The following RPL39L variants were observed in gnomAD, a reference collection of about 807,000 sequenced individuals.
RPL39L encodes ribosomal protein eL39-like 2.
For missense variants in RPL39L, 48 were observed against 58.9 expected (o/e 0.81, Z 0.61); for synonymous variants, 16 against 20.1 (o/e 0.80, Z 0.55).
At chr3:187,129,974 C>T (rs1720460308) in intron 1 of RPL39L, among the ~76,000 whole-genome samples, 1 of 151,968 alleles carries the variant, frequency 6.6e-6, no homozygotes, top group South Asian at 2.1e-4. Flanking sequence ...AGTGATTTCC[C>T]TTGGGCTAGG....
intron 1 of RPL39L, among the ~76,000 whole-genome samples, chr3:187,129,082 A>T (rs972918880): frequency 6.6e-6 from 1 of 152,258 alleles, no homozygotes; most frequent in Non-Finnish European, 1.5e-5. Context: ...CAAGACAGTG[A>T]TGATAGCTTA....
intron 2 of RPL39L, among the ~76,000 whole-genome samples, chr3:187,125,137 A>G (rs1017386206): frequency 2.6e-5 from 4 of 152,146 alleles, no homozygotes; most frequent in African/African-American, 9.7e-5. Context: ...ATGCAATACG[A>G]TATGTCTATA....
At chr3:187,130,468 T>C (rs2108469178) in intron 1 of RPL39L, among the ~76,000 whole-genome samples, 1 of 152,290 alleles carries the variant, frequency 6.6e-6, no homozygotes, top group African/African-American at 2.4e-5. Flanking sequence ...TGAGTTCTTG[T>C]GAGTCTGGTC....
intron 1 of RPL39L, among the ~76,000 whole-genome samples, chr3:187,129,198 A>ACT (rs1333170479): frequency 6.6e-6 from 1 of 152,258 alleles, no homozygotes; most frequent in Non-Finnish European, 1.5e-5. Flanking sequence ...AAGATAATAT[A>ACT]GCTCAGGATA....
chr3:187,132,600 T>C (rs1235761447), intron 1 of RPL39L, among the ~76,000 whole-genome samples: 6 of 152,214 alleles, frequency 3.9e-5, no homozygotes, highest in Non-Finnish European at 8.8e-5. Context: ...TTTCCCCCCG[T>C]ATGGTTTATG....
At chr3:187,131,597 T>C (rs1720485894) in intron 1 of RPL39L, among the ~76,000 whole-genome samples, 1 of 152,190 alleles carries the variant, frequency 6.6e-6, no homozygotes, top group Non-Finnish European at 1.5e-5. Flanking sequence ...CTGCACAGGC[T>C]CAAGTCTCAC....
chr3:187,138,873 A>G (rs1720633820), intron 1 of RPL39L, among the ~76,000 whole-genome samples: 1 of 152,100 alleles, frequency 6.6e-6, no homozygotes, highest in South Asian at 2.1e-4. Context: ...TGGTGTGACC[A>G]ATATGGTGAA....
At chr3:187,128,352 G>GA (rs1176523189) in intron 1 of RPL39L, among the ~76,000 whole-genome samples, 4 of 152,126 alleles carry the variant, frequency 2.6e-5, no homozygotes, top group African/African-American at 9.7e-5. Context: ...TTGTGTTTAT[G>GA]AAAAATAAGC....
chr3:187,130,721 C>T (rs190522019), intron 1 of RPL39L, among the ~76,000 whole-genome samples: 6 of 152,308 alleles, frequency 3.9e-5, no homozygotes, highest in Admixed American at 3.9e-4. Context: ...GTAAGAATGG[C>T]CTAACACATT....
At chr3:187,134,499 A>AC (rs1392528031) in intron 1 of RPL39L, among the ~76,000 whole-genome samples, 1 of 151,740 alleles carries the variant, frequency 6.6e-6, no homozygotes, top group East Asian at 1.9e-4. Flanking sequence ...AAAAAAAAAA[A>AC]AAAGAAGACA....
At chr3:187,138,431 T>C (rs1457113530) in intron 1 of RPL39L, among the ~76,000 whole-genome samples, 1 of 152,160 alleles carries the variant, frequency 6.6e-6, no homozygotes, top group African/African-American at 2.4e-5. Flanking sequence ...GCGAGATTCC[T>C]TGGGCTATCT....
chr3:187,138,007 T>A (rs1398248318), intron 1 of RPL39L, among the ~76,000 whole-genome samples: 1 of 152,194 alleles, frequency 6.6e-6, no homozygotes. Flanking sequence ...TCTTAGGTTC[T>A]GAAATTGAGA....
intron 2 of RPL39L, among the ~76,000 whole-genome samples, chr3:187,123,861 C>A (rs1173002055): frequency 6.6e-6 from 1 of 152,228 alleles, no homozygotes; most frequent in African/African-American, 2.4e-5. Context: ...GGGCTAGAAG[C>A]TCTGACCAGG....
In RPL39L at chr3:187,134,483, T is replaced by TAAAAAAAAAAAAAAAAAA. The variant is rs72169562; in HGVS notation, c.-93+4712_-93+4729dup. On this transcript the variant is annotated intron_variant, in intron 1 of 2. Coordinates refer to ENST00000296277, the MANE Select transcript of RPL39L (RefSeq NM_052969.3). ...GCCCAAACTACTTTAGCCTGACTGA[T>TAAAAAAAAAAAAAAAAAA]AAAAAAAAAAAAAAAAAAAGAAGAC... Among the ~76,000 whole-genome samples the TAAAAAAAAAAAAAAAAAA allele has an allele frequency of 5.8e-4, 54 of 93,382 alleles. 2 individuals are homozygous for TAAAAAAAAAAAAAAAAAA. The highest frequency in any genetic ancestry group is 2.2e-3 in the African/African-American group (52 of 23,546). 61.3% of individuals were successfully genotyped at this position (93,382 alleles called of 152,430 possible). A position where few individuals can be genotyped will look rare whatever the true frequency, so the allele number is the denominator to read the frequency against.
At chr3:187,127,143 A>C (rs1646715628) in intron 2 of RPL39L, among the ~76,000 whole-genome samples, 1 of 152,232 alleles carries the variant, frequency 6.6e-6, no homozygotes, top group South Asian at 2.1e-4. Flanking sequence ...ATTGGAATCA[A>C]TGATTAAAAC....
chr3:187,129,308 C>A (rs185342685), intron 1 of RPL39L, among the ~76,000 whole-genome samples: 9 of 152,348 alleles, frequency 5.9e-5, no homozygotes, highest in Admixed American at 4.6e-4. Context: ...TGAAAAGCCA[C>A]ACACACTGAA....
At chr3:187,136,669 A>G (rs1720585638) in intron 1 of RPL39L, among the ~76,000 whole-genome samples, 1 of 152,168 alleles carries the variant, frequency 6.6e-6, no homozygotes, top group Non-Finnish European at 1.5e-5. Context: ...GTGGTGGGGA[A>G]GGCAGTTTTT....
At chr3:187,125,833 C>A (rs943012579) in intron 2 of RPL39L, among the ~76,000 whole-genome samples, 1 of 99,860 alleles carries the variant, frequency 1.0e-5, no homozygotes, top group Admixed American at 1.0e-4. Flanking sequence ...CTAGACTGAG[C>A]CCCTAGTGTT....
chr3:187,121,807 T>C (rs6769042), intron 2 of RPL39L, among the ~76,000 whole-genome samples: 2,541 of 152,312 alleles, frequency 0.017, 64 homozygotes, highest in African/African-American at 0.057. Context: ...ACATGCAGAA[T>C]ATTGTCTTTC....
Sources: allele counts gnomAD v4.1 joint callset (sites outside exome capture counted in the v4.1 genomes callset), GRCh38; gene constraint gnomAD v4.1.1; transcripts MANE v1.5; gene names NCBI Gene and HGNC (gene_info 2026-07-23, HGNC 2026-07-21).